Variants in SCN11A observed in about 807,000 individuals in gnomAD.
The protein encoded by SCN11A is sodium channel protein type 11 subunit alpha.
Under a neutral mutation model 162.2 loss-of-function variants are expected in SCN11A, and 122 were observed. The ratio of observed to expected loss-of-function variants is 0.75; its 90% CI spans 0.65 to 0.87. The LOEUF (loss-of-function observed/expected upper bound fraction) is 0.87, where lower values mean the gene tolerates loss of function less well. SCN11A is among the 40% of genes least tolerant of loss of function. The pLI is 0.00. For synonymous variants in SCN11A, 758 were observed against 751.5 expected (o/e 1.01, Z -0.14); for missense variants, 2,015 against 2,181.6 (o/e 0.92, Z 1.52).
At chr3:38,864,648 A>C (rs2065014694) in intron 27 of SCN11A, among the ~76,000 whole-genome samples, 1 of 152,222 alleles carries the variant, frequency 6.6e-6, no homozygotes, top group Non-Finnish European at 1.5e-5. Flanking sequence ...AGAAAGGCTT[A>C]GAAACAATGA....
At chr3:38,929,128 T>TGCGCGC (rs145292640) in intron 7 of SCN11A, among the ~76,000 whole-genome samples, 16,095 of 84,022 alleles carry the variant, frequency 0.19, 1,119 homozygotes, top group East Asian at 0.39. Flanking sequence ...ATACTGGGTC[T>TGCGCGC]GTGCACGCAC....
At chr3:38,859,599 T>C (rs1054170751) in intron 28 of SCN11A, among the ~76,000 whole-genome samples, 6 of 152,208 alleles carry the variant, frequency 3.9e-5, no homozygotes, top group African/African-American at 1.4e-4. Context: ...TAAAGAAGAA[T>C]TGGTACCAGT....
At chr3:38,931,626 T>C (rs1279920922) in intron 7 of SCN11A, among the ~76,000 whole-genome samples, 2 of 152,174 alleles carry the variant, frequency 1.3e-5, no homozygotes, top group African/African-American at 2.4e-5. Flanking sequence ...GGGTCATCAA[T>C]CCATTTTTCC....
chr3:38,937,690 T>G (rs997512761), intron 7 of SCN11A, among the ~76,000 whole-genome samples: 9 of 152,028 alleles, frequency 5.9e-5, no homozygotes. Flanking sequence ...CTCACACCAG[T>G]TAGAATGGCA....
intron 11 of SCN11A, among the ~76,000 whole-genome samples, chr3:38,912,180 T>G (rs1333050726): frequency 1.3e-5 from 2 of 152,182 alleles, no homozygotes; most frequent in Non-Finnish European, 2.9e-5. Flanking sequence ...AGGATGGACC[T>G]ACCATATTTA....
chr3:38,913,223 C>T (rs978850032), intron 11 of SCN11A, among the ~76,000 whole-genome samples: 1 of 152,028 alleles, frequency 6.6e-6, no homozygotes, highest in Non-Finnish European at 1.5e-5. Context: ...TTGCATTTGT[C>T]TAATGGTCAG....
intron 7 of SCN11A, among the ~76,000 whole-genome samples, chr3:38,941,063 T>A (rs936479098): frequency 6.6e-6 from 1 of 152,126 alleles, no homozygotes; most frequent in Non-Finnish European, 1.5e-5. Context: ...GTTTAACTGT[T>A]TTGGTCTGAG....
At chr3:38,926,757 T>C (rs747276801) in intron 8 of SCN11A, 46 bp downstream of exon 8, 1 of 1,593,576 alleles carries the variant, frequency 6.3e-7, no homozygotes, top group South Asian at 1.1e-5. Flanking sequence ...CAAAGGGGCT[T>C]CTTTCCCACT....
At chr3:38,994,719 T>C (rs946695084) in intron 2 of SCN11A, among the ~76,000 whole-genome samples, 2 of 152,132 alleles carry the variant, frequency 1.3e-5, no homozygotes, top group African/African-American at 4.8e-5. Flanking sequence ...GGAGTGTTTC[T>C]ATGGACGAAG....
At chr3:39,043,315 T>C (rs930002589) in intron 1 of SCN11A, among the ~76,000 whole-genome samples, 60 of 152,264 alleles carry the variant, frequency 3.9e-4, no homozygotes, top group African/African-American at 1.4e-3. Context: ...CATTGCTGGG[T>C]ATACACCCAA....
At chr3:39,047,456 C>T (rs565968999) in intron 1 of SCN11A, among the ~76,000 whole-genome samples, 1 of 152,242 alleles carries the variant, frequency 6.6e-6, no homozygotes, top group Admixed American at 6.5e-5. Context: ...TGCTTCAGGA[C>T]ATTGGCCTGG....
At chr3:38,991,879 G>T (rs544326654) in intron 2 of SCN11A, among the ~76,000 whole-genome samples, 53 of 152,096 alleles carry the variant, frequency 3.5e-4, no homozygotes, top group Non-Finnish European at 6.5e-4. Context: ...TGTGATCTTG[G>T]CTCACTATAA....
At chr3:39,025,751 G>T (rs55669711) in intron 2 of SCN11A, among the ~76,000 whole-genome samples, 12,530 of 152,094 alleles carry the variant, frequency 0.082, 732 homozygotes, top group African/African-American at 0.16. Flanking sequence ...AGGTCTTCAT[G>T]ACCTGTATGT....
intron 7 of SCN11A, among the ~76,000 whole-genome samples, chr3:38,942,723 G>C (rs1367692449): frequency 6.6e-6 from 1 of 152,122 alleles, no homozygotes; most frequent in African/African-American, 2.4e-5. Context: ...GAAATGCATA[G>C]CTTTATACAA....
intron 7 of SCN11A, among the ~76,000 whole-genome samples, chr3:38,935,647 G>A (rs900202005): frequency 5.3e-5 from 8 of 152,198 alleles, no homozygotes; most frequent in African/African-American, 1.7e-4. Context: ...TAAATTCCTC[G>A]ACACATACAC....
rs188963568 is a variant in SCN11A, at chr3:38,939,474, A to C, written c.488+5937T>G. 3.2e-3 allele frequency among the ~76,000 whole-genome samples: 486 copies of C among 152,334 alleles called. 2 individuals are homozygous for C. Among genetic ancestry groups the C allele is most frequent in the African/African-American group, 0.011 (462 of 41,582 alleles). On this transcript the variant is annotated intron_variant, in intron 7 of 29. Transcript: ENST00000302328. ...AAAAAGATTACCAATGAAAAATGAA[A>C]AAGCTATTAATAAATGAATTCCTTC...
At chr3:39,023,842 C>T (rs554480296) in intron 2 of SCN11A, among the ~76,000 whole-genome samples, 25 of 152,216 alleles carry the variant, frequency 1.6e-4, no homozygotes, top group African/African-American at 5.5e-4. Flanking sequence ...AGGGTTTTAC[C>T]ATGTTGGCCA....
At chr3:39,015,789 T>G (rs1283882473) in intron 2 of SCN11A, among the ~76,000 whole-genome samples, 1 of 152,106 alleles carries the variant, frequency 6.6e-6, no homozygotes, top group East Asian at 1.9e-4. Flanking sequence ...CAGGCTGGAG[T>G]GCAGTGGCGT....
chr3:39,036,318 T>A (rs2125614044), intron 1 of SCN11A, among the ~76,000 whole-genome samples: 1 of 152,282 alleles, frequency 6.6e-6, no homozygotes, highest in Admixed American at 6.5e-5. Flanking sequence ...CTAATTTATG[T>A]ATTTTTAGTA....
Sources: gnomAD v4.1 joint callset for allele counts (sites outside exome capture counted in the v4.1 genomes callset) on GRCh38, gnomAD v4.1.1 for gene constraint, MANE v1.5 for transcripts, NCBI Gene and HGNC (gene_info 2026-07-23, HGNC 2026-07-21) for gene names.